The following CADPS2 variants were observed in gnomAD, a reference collection of about 807,000 sequenced individuals.
CADPS2 encodes calcium-dependent secretion activator 2.
A neutral mutation model predicts 172.5 loss-of-function variants in CADPS2; 93 were observed. The ratio of observed to expected loss-of-function variants is 0.54; its 90% CI spans 0.46 to 0.64. The LOEUF (loss-of-function observed/expected upper bound fraction) is 0.64, where lower values mean the gene tolerates loss of function less well. Ranked by LOEUF, CADPS2 falls within the 30% of genes least tolerant of loss-of-function variation. CADPS2 has a pLI of 0.00. For synonymous variants in CADPS2, 546 were observed against 555.2 expected (o/e 0.98, Z 0.23); for missense variants, 1,420 against 1,565.9 (o/e 0.91, Z 1.57).
intron 2 of CADPS2, among the ~76,000 whole-genome samples, chr7:122,721,792 A>G (rs1304119055): frequency 6.6e-6 from 1 of 152,214 alleles, no homozygotes; most frequent in South Asian, 2.1e-4. Context: ...AAAATCCTCA[A>G]TAAAATACTG....
chr7:122,679,685 C>T (rs964128711), intron 2 of CADPS2, among the ~76,000 whole-genome samples: 8 of 152,064 alleles, frequency 5.3e-5, no homozygotes, highest in African/African-American at 1.2e-4. Context: ...CGGAACCTGC[C>T]GACATATTAT....
At chr7:122,407,915 G>C in intron 19 of CADPS2, 1 of 487,164 alleles carries the variant, frequency 2.1e-6, no homozygotes, top group Non-Finnish European at 3.6e-6. Flanking sequence ...GAATTAAAAT[G>C]TACAAGGACA....
chr7:122,662,980 A>G (rs2080775978), intron 3 of CADPS2, among the ~76,000 whole-genome samples: 1 of 152,210 alleles, frequency 6.6e-6, no homozygotes, highest in East Asian at 1.9e-4. Context: ...AATAGGCACA[A>G]ATCTAATGTC....
At chr7:122,686,412 A>G (rs553414433) in intron 2 of CADPS2, among the ~76,000 whole-genome samples, 2 of 152,290 alleles carry the variant, frequency 1.3e-5, no homozygotes, top group African/African-American at 4.8e-5. Context: ...TATTTTTATT[A>G]CAGCTGTGAT....
At chr7:122,494,500 G>A in intron 9 of CADPS2, among the ~76,000 whole-genome samples, 1 of 151,718 alleles carries the variant, frequency 6.6e-6, no homozygotes, top group Admixed American at 6.6e-5. Flanking sequence ...ATAACATAAA[G>A]AGCAATTTAA....
intron 1 of CADPS2, among the ~76,000 whole-genome samples, chr7:122,825,531 A>G (rs1406565222): frequency 1.3e-5 from 2 of 152,232 alleles, no homozygotes; most frequent in African/African-American, 4.8e-5. Flanking sequence ...AGATTGACCA[A>G]AAGTGGTTAA....
At chr7:122,851,887 A>C (rs1813749103) in intron 1 of CADPS2, among the ~76,000 whole-genome samples, 2 of 152,198 alleles carry the variant, frequency 1.3e-5, no homozygotes, top group African/African-American at 4.8e-5. Context: ...AACACAGCCA[A>C]GCCATATCAG....
At chr7:122,788,489 C>T (rs1161110784) in intron 1 of CADPS2, among the ~76,000 whole-genome samples, 1 of 152,206 alleles carries the variant, frequency 6.6e-6, no homozygotes, top group Non-Finnish European at 1.5e-5. Context: ...CATTGACACA[C>T]AAGCCCTGCT....
chr7:122,702,268 C>T (rs2086255397), intron 2 of CADPS2: 1 of 1,613,682 alleles, frequency 6.2e-7, no homozygotes, highest in African/African-American at 1.3e-5. Context: ...GCAAAATTTC[C>T]ATGCCTTTCA....
intron 6 of CADPS2, among the ~76,000 whole-genome samples, chr7:122,609,560 A>G (rs1244370053): frequency 6.6e-6 from 1 of 152,214 alleles, no homozygotes; most frequent in African/African-American, 2.4e-5. Flanking sequence ...AAAAATTAAA[A>G]TGAAACTTTC....
chr7:122,614,276 C>T (rs1028402363), intron 6 of CADPS2, among the ~76,000 whole-genome samples: 6 of 152,014 alleles, frequency 3.9e-5, no homozygotes, highest in Admixed American at 6.6e-5. Flanking sequence ...TTCTTTTCAA[C>T]CCCCTAATAC....
intron 8 of CADPS2, among the ~76,000 whole-genome samples, chr7:122,549,579 C>T (rs953933651): frequency 6.6e-6 from 1 of 151,524 alleles, no homozygotes; most frequent in Non-Finnish European, 1.5e-5. Context: ...GGAGATGGTG[C>T]CACTGCAATT....
At chr7:122,605,734 AAAAC>A (rs1233093976) in intron 6 of CADPS2, among the ~76,000 whole-genome samples, 1 of 152,164 alleles carries the variant, frequency 6.6e-6, no homozygotes, top group Non-Finnish European at 1.5e-5. Context: ...CAAGTGATCC[AAAAC>A]AAATATATCA....
rs547570708 is a variant in CADPS2, at chr7:122,401,183, G to A, written c.2746+6357C>T. 5.3e-5 allele frequency among the ~76,000 whole-genome samples: 8 copies of A among 152,224 alleles called. No individual in the cohort carries two copies. In the South Asian group the frequency reaches 6.2e-4, roughly 12 times the overall value. On this transcript the variant is annotated intron_variant, in intron 20 of 29. Transcript: ENST00000449022. Reference sequence around the variant, plus strand: ...CATCTTTACGAAGGTGAAAGTCTTCGAGAATAGGTTTTCACTTAGTGTAGA... The same window carrying A: ...CATCTTTACGAAGGTGAAAGTCTTCAAGAATAGGTTTTCACTTAGTGTAGA...
At chr7:122,778,516 C>T (rs1392078420) in intron 1 of CADPS2, among the ~76,000 whole-genome samples, 2 of 152,226 alleles carry the variant, frequency 1.3e-5, no homozygotes, top group East Asian at 3.9e-4. Flanking sequence ...ACCTTCCCAG[C>T]AGTCCCTCCC....
At chr7:122,674,947 T>A (rs921026296) in intron 2 of CADPS2, among the ~76,000 whole-genome samples, 3 of 152,256 alleles carry the variant, frequency 2.0e-5, no homozygotes, top group African/African-American at 7.2e-5. Flanking sequence ...GTGTTATCAA[T>A]TCATGAAGCT....
At chr7:122,869,008 G>A (rs965326112) in intron 1 of CADPS2, among the ~76,000 whole-genome samples, 1 of 151,906 alleles carries the variant, frequency 6.6e-6, no homozygotes, top group African/African-American at 2.4e-5. Context: ...CGAATCTGAG[G>A]AGCTAAATGA....
chr7:122,562,280 G>A (rs2065873882), intron 7 of CADPS2, among the ~76,000 whole-genome samples: 1 of 152,150 alleles, frequency 6.6e-6, no homozygotes, highest in Non-Finnish European at 1.5e-5. Context: ...CTATCCAGGT[G>A]GGCCCAATAC....
chr7:122,817,836 C>T (rs1426306288), intron 1 of CADPS2, among the ~76,000 whole-genome samples: 5 of 151,658 alleles, frequency 3.3e-5, no homozygotes, highest in African/African-American at 1.2e-4. Context: ...CCTCTTATAT[C>T]TCTGCACCCC....
Sources: gnomAD v4.1 joint callset for allele counts (sites outside exome capture counted in the v4.1 genomes callset) on GRCh38, gnomAD v4.1.1 for gene constraint, MANE v1.5 for transcripts, NCBI Gene and HGNC (gene_info 2026-07-23, HGNC 2026-07-21) for gene names.